ARID2: variants seen among roughly 807,000 people sequenced by gnomAD.
ARID2 encodes the protein AT-rich interactive domain-containing protein 2.
Under a neutral mutation model 184.6 loss-of-function variants are expected in ARID2, and 32 were observed. That is an observed-to-expected ratio of 0.17 (90% CI 0.13 to 0.23). The LOEUF (loss-of-function observed/expected upper bound fraction) is 0.23, where lower values mean the gene tolerates loss of function less well. ARID2 is among the 10% of genes least tolerant of loss of function. The pLI is 1.00. For missense variants in ARID2, 1,696 were observed against 2,197.6 expected, an observed-to-expected ratio of 0.77 and a Z score of 4.56; for synonymous variants, 836 against 772.6, an observed-to-expected ratio of 1.08 and a Z score of -1.36.
At chr12:45,804,704 G>A (rs1488983384) in intron 3 of ARID2, among the ~76,000 whole-genome samples, 2 of 151,898 alleles carry the variant, frequency 1.3e-5, no homozygotes, top group African/African-American at 2.4e-5. Flanking sequence ...TTTAAATTGT[G>A]AAATATATCA....
At chr12:45,778,157 G>C (rs1179320764) in intron 3 of ARID2, among the ~76,000 whole-genome samples, 1 of 152,070 alleles carries the variant, frequency 6.6e-6, no homozygotes, top group Non-Finnish European at 1.5e-5. Context: ...AGTGAGCCGA[G>C]ATTGCGCCAT....
intron 5 of ARID2, among the ~76,000 whole-genome samples, chr12:45,820,035 T>A (rs189963137): frequency 2.6e-5 from 4 of 152,200 alleles, no homozygotes; most frequent in Admixed American, 6.5e-5. Context: ...TGAGCCACCA[T>A]GCCCGGCCCC....
chr12:45,832,134 C>G (rs1943133993), intron 6 of ARID2, among the ~76,000 whole-genome samples: 1 of 152,076 alleles, frequency 6.6e-6, no homozygotes, highest in Non-Finnish European at 1.5e-5. Context: ...TTTTATTTAT[C>G]TAAAAATTTT....
At chr12:45,790,209 A>G (rs938304235) in intron 3 of ARID2, among the ~76,000 whole-genome samples, 1 of 152,008 alleles carries the variant, frequency 6.6e-6, no homozygotes, top group Non-Finnish European at 1.5e-5. Flanking sequence ...TGCTTTTACT[A>G]CCTTTAAATG....
At chr12:45,827,485 C>T (rs959247548) in intron 6 of ARID2, among the ~76,000 whole-genome samples, 1 of 151,964 alleles carries the variant, frequency 6.6e-6, no homozygotes, top group African/African-American at 2.4e-5. Flanking sequence ...ACTGGGAAAA[C>T]AAGGTCTCCC....
At chr12:45,795,701 G>C (rs892982945) in intron 3 of ARID2, among the ~76,000 whole-genome samples, 3 of 136,028 alleles carry the variant, frequency 2.2e-5, no homozygotes, top group African/African-American at 7.8e-5. Context: ...CTCCCAAAGT[G>C]CTGGGATTAT....
intron 10 of ARID2, 58 bp downstream of exon 10, chr12:45,837,765 T>G (rs2138133343): frequency 6.6e-7 from 1 of 1,507,898 alleles, no homozygotes; most frequent in Non-Finnish European, 9.1e-7. Context: ...TTTAATATGG[T>G]ACTGTACAAA....
At chr12:45,796,364 GT>G (rs1592082088) in intron 3 of ARID2, among the ~76,000 whole-genome samples, 3 of 152,028 alleles carry the variant, frequency 2.0e-5, no homozygotes, top group African/African-American at 7.2e-5. Context: ...TAGTATAGTA[GT>G]TCCCTGTTGG....
intron 3 of ARID2, among the ~76,000 whole-genome samples, chr12:45,736,692 A>T (rs1002997387): frequency 6.6e-6 from 1 of 152,206 alleles, no homozygotes; most frequent in Non-Finnish European, 1.5e-5. Flanking sequence ...TTCAGGGCCA[A>T]CTAGAGTTTG....
chr12:45,864,170 T>C (rs1034410579), intron 16 of ARID2, among the ~76,000 whole-genome samples: 1 of 152,104 alleles, frequency 6.6e-6, no homozygotes, highest in Non-Finnish European at 1.5e-5. Context: ...ATGTATAATA[T>C]AGATTCTTTT....
chr12:45,894,724 G>T, intron 20 of ARID2, among the ~76,000 whole-genome samples: 2 of 151,866 alleles, frequency 1.3e-5, no homozygotes, highest in South Asian at 4.2e-4. Flanking sequence ...CTTGAGCCAA[G>T]TTTTTTTTAG....
chr12:45,777,986 A>G (rs1942016948), intron 3 of ARID2, among the ~76,000 whole-genome samples: 1 of 152,038 alleles, frequency 6.6e-6, no homozygotes, highest in Non-Finnish European at 1.5e-5. Flanking sequence ...CAGGTGGATC[A>G]TCTGAGGTCA....
Position 45,846,953 on chromosome 12 carries a change from C to A in ARID2, c.1580+16C>A. 1 of 1,608,058 alleles carries A rather than the reference C, an allele frequency of 6.2e-7. No individual in the cohort carries two copies. Among genetic ancestry groups the A allele is most frequent in the Non-Finnish European group, 8.5e-7 (1 of 1,175,500 alleles). ...CTTGTCAGTGGTAAGTGGTTTATTTCTATTAAGGATTTATCCTTGGGAGGA... is the reference window on the plus strand; with the variant it reads ...CTTGTCAGTGGTAAGTGGTTTATTTATATTAAGGATTTATCCTTGGGAGGA... On this transcript the variant is annotated intron_variant, in intron 12 of 20. Coordinates refer to ENST00000334344, the MANE Select transcript of ARID2 (RefSeq NM_152641.4).
At chr12:45,783,083 A>G (rs1053386992) in intron 3 of ARID2, among the ~76,000 whole-genome samples, 5 of 152,070 alleles carry the variant, frequency 3.3e-5, no homozygotes, top group Admixed American at 6.6e-5. Context: ...GCAGTGAGCC[A>G]AGATCACGCC....
Position 45,832,760 on chromosome 12 carries a change from C to G in ARID2, c.706-3829C>G, listed in dbSNP as rs145823539. Among the ~76,000 whole-genome samples the G allele has an allele frequency of 7.5e-3, 1,139 of 152,254 alleles. 13 individuals are homozygous for G. Among genetic ancestry groups the G allele is most frequent in the Middle Eastern group, 0.027 (8 of 294 alleles). Reference sequence around the variant, plus strand: ...TTGGGGAAAAAAGCAATTTAAAAAACAGTAAAAAGTAATAAAACTAAAAAA... The same window carrying G: ...TTGGGGAAAAAAGCAATTTAAAAAAGAGTAAAAAGTAATAAAACTAAAAAA... On this transcript the variant is annotated intron_variant, in intron 6 of 20. Transcript: ENST00000334344.
chr12:45,773,307 C>T (rs1226525203), intron 3 of ARID2, among the ~76,000 whole-genome samples: 1 of 151,812 alleles, frequency 6.6e-6, no homozygotes, highest in Admixed American at 6.6e-5. Context: ...AGAAAAATCT[C>T]AAATTGATAC....
intron 16 of ARID2, among the ~76,000 whole-genome samples, chr12:45,872,212 G>T (rs1221549344): frequency 6.6e-6 from 1 of 151,836 alleles, no homozygotes; most frequent in Non-Finnish European, 1.5e-5. Context: ...GTAGAAGCTT[G>T]CATTATTATT....
chr12:45,748,215 C>T (rs1228681650), intron 3 of ARID2, among the ~76,000 whole-genome samples: 1 of 152,010 alleles, frequency 6.6e-6, no homozygotes, highest in Non-Finnish European at 1.5e-5. Context: ...TAGTGAGACC[C>T]TGTCTCTACA....
rs1943528730 is a variant in ARID2 at position 45,850,576 on chromosome 12, G to A, written c.2453G>A (p.Gly818Asp). 6.2e-7 allele frequency: 1 copy of A among 1,614,052 alleles called. No homozygotes were observed. The highest frequency in any genetic ancestry group is 1.3e-5 in the African/African-American group (1 of 75,028). ...IPACTSTVSQGQQLITTSPQP... is the reference protein window; with the variant it reads ...IPACTSTVSQDQQLITTSPQP... Reference sequence around the variant, plus strand: ...GCATGTACTTCTACAGTTTCACAGGGTCAACAGTTAATCACCACATCACCC... The same window carrying A: ...GCATGTACTTCTACAGTTTCACAGGATCAACAGTTAATCACCACATCACCC... Residue 818 changes from glycine to aspartate, a missense_variant, in exon 15 of 21, where the codon GGT becomes GAT. By Grantham distance (94) the Gly-to-Asp change is moderately conservative. Transcript: ENST00000334344.
Sources: gnomAD v4.1 joint callset for allele counts (sites outside exome capture counted in the v4.1 genomes callset) on GRCh38, gnomAD v4.1.1 for gene constraint, MANE v1.5 for transcripts, NCBI Gene and HGNC (gene_info 2026-07-23, HGNC 2026-07-21) for gene names.